The following ARID1B variants were observed in gnomAD, a reference collection of about 807,000 sequenced individuals.
ARID1B encodes AT-rich interaction domain 1B, also known as AT-rich interactive domain-containing protein 1B.
Under a neutral mutation model 212.3 loss-of-function variants are expected in ARID1B, and 30 were observed. The observed-to-expected ratio is 0.14, with a 90% CI of 0.11 to 0.19. ARID1B has a LOEUF of 0.19. ARID1B is among the 10% of genes least tolerant of loss of function. The pLI, the probability that ARID1B is intolerant of heterozygous loss-of-function variation, is 1.00. For synonymous variants in ARID1B, 1,402 were observed against 1,301.7 expected (o/e 1.08, Z -1.66); for missense variants, 2,891 against 3,204.0 (o/e 0.90, Z 2.36).
chr6:157,123,093 GC>G (rs1292324410), intron 6 of ARID1B, among the ~76,000 whole-genome samples: 1 of 152,202 alleles, frequency 6.6e-6, no homozygotes, highest in Non-Finnish European at 1.5e-5. Context: ...TGCCATGGGT[GC>G]TTGAGATCCC....
At chr6:157,036,318 A>G (rs2128506198) in intron 4 of ARID1B, 1 of 152,636 alleles carries the variant, frequency 6.6e-6, no homozygotes, top group Non-Finnish European at 1.5e-5. Flanking sequence ...TTGCTTAGAC[A>G]CTGCCTGCCT....
intron 13 of ARID1B, among the ~76,000 whole-genome samples, chr6:157,188,145 A>G (rs977136459): frequency 2.0e-5 from 3 of 152,104 alleles, no homozygotes; most frequent in Non-Finnish European, 4.4e-5. Flanking sequence ...CCCCCATGAC[A>G]TGCGTTTACC....
At chr6:156,822,846 G>A (rs1044241286) in intron 1 of ARID1B, among the ~76,000 whole-genome samples, 3 of 152,176 alleles carry the variant, frequency 2.0e-5, no homozygotes, top group African/African-American at 4.8e-5. Context: ...GTGACCAGGC[G>A]GGTGTGCGAG....
rs552985179 is a variant in ARID1B, at chr6:157,130,764, TCC to T, written c.2582-2263_2582-2262del. Among the ~76,000 whole-genome samples the T allele has an allele frequency of 5.3e-5, 8 of 152,310 alleles. No homozygotes were observed. The East Asian group carries it at 1.5e-3, about 29-fold the overall frequency. On this transcript the variant is annotated intron_variant, in intron 6 of 19. Coordinates refer to ENST00000636930, the MANE Select transcript of ARID1B (RefSeq NM_001374828.1). ...ACTTAGATCTGGGATTATCTTACCC[TCC>T]AGCTGCCTCAGTGGATTTTCTTTCG... is the stretch of plus-strand genomic sequence containing the variant.
chr6:157,189,817 C>T (rs1196534102), intron 14 of ARID1B, 37 bp downstream of exon 14: 5 of 1,611,608 alleles, frequency 3.1e-6, no homozygotes, highest in Middle Eastern at 1.7e-4. Context: ...TACAAAGTCA[C>T]ATTTGTTCAT....
At chr6:157,133,598 T>A (rs1224989829) in intron 7 of ARID1B, among the ~76,000 whole-genome samples, 1 of 152,172 alleles carries the variant, frequency 6.6e-6, no homozygotes, top group Non-Finnish European at 1.5e-5. Flanking sequence ...CTCTTAGTGA[T>A]CACCGTCAAA....
intron 9 of ARID1B, chr6:157,172,843 C>T (rs1161588127): frequency 6.6e-6 from 1 of 151,712 alleles, no homozygotes; most frequent in Non-Finnish European, 1.5e-5. Context: ...ACATGTGTCC[C>T]GCCTTGGTTG....
rs76645703 is a variant in ARID1B, at chr6:157,009,699, T to G, written c.2247+74123T>G. On this transcript the variant is annotated intron_variant, in intron 4 of 19. Coordinates refer to ENST00000636930, the MANE Select transcript of ARID1B (RefSeq NM_001374828.1). ...TGATAGTGGTAATATTCATATTTGT[T>G]AATATGCTTTTCTAAGTGTTTTATA... is the stretch of plus-strand genomic sequence containing the variant. Among the ~76,000 whole-genome samples, 397 of 152,378 alleles carry G rather than the reference T, an allele frequency of 2.6e-3. 3 individuals carry two copies. The highest frequency in any genetic ancestry group is 6.9e-3 in the African/African-American group (289 of 41,584).
At chr6:156,998,212 C>CTTTT (rs569837054) in intron 4 of ARID1B, among the ~76,000 whole-genome samples, 2 of 137,664 alleles carry the variant, frequency 1.5e-5, no homozygotes. Flanking sequence ...ATCTCTCTCT[C>CTTTT]TTTTTTTTTT....
At chr6:156,779,575 GGCGGCGGGGGC>G (rs1779051404) in intron 1 of ARID1B, 104 bp downstream of exon 1, 3 of 1,121,256 alleles carry the variant, frequency 2.7e-6, no homozygotes, top group Non-Finnish European at 3.3e-6. Flanking sequence ...TTCCCGCGGG[GGCGGCGGGGGC>G]GCGGCGCCCA....
At position 156,779,012 on chromosome 6, in the gene ARID1B, G is replaced by A. The variant is rs1778956646; in HGVS notation, c.1332G>A (p.Ser444=). Residue 444 remains serine, a synonymous_variant, in exon 1 of 20, where the codon TCG becomes TCA. Transcript: ENST00000636930. ...GGGGGGGYGG[S]SAGYGVLSSP... The stretch of plus-strand genomic sequence containing the variant: ...GCGGCGGCGGCGGCTATGGGGGCTC[G>A]TCCGCGGGGTACGGGGTGCTGAGCT... 1 of 1,262,756 alleles carries A rather than the reference G, an allele frequency of 7.9e-7. No individual in the cohort carries two copies. Among genetic ancestry groups the A allele is most frequent in the Non-Finnish European group, 9.9e-7 (1 of 1,015,078 alleles). 78.2% of individuals were successfully genotyped at this position (1,262,756 alleles called of 1,614,324 possible).
chr6:156,805,144 A>G (rs764903153), intron 1 of ARID1B, among the ~76,000 whole-genome samples: 11 of 152,188 alleles, frequency 7.2e-5, no homozygotes, highest in Non-Finnish European at 1.3e-4. Flanking sequence ...GGCCTCTCTC[A>G]GCTTACTCAG....
At chr6:157,120,765 C>T (rs557091726) in intron 6 of ARID1B, among the ~76,000 whole-genome samples, 1 of 152,276 alleles carries the variant, frequency 6.6e-6, no homozygotes, top group African/African-American at 2.4e-5. Flanking sequence ...ATCAATTGTC[C>T]ATGTGCCAAA....
chr6:156,985,620 T>TA (rs1260804425), intron 4 of ARID1B: 1 of 152,264 alleles, frequency 6.6e-6, no homozygotes, highest in African/African-American at 2.4e-5. Context: ...TCCCATACAT[T>TA]AAAAGTTTTG....
chr6:156,995,904 T>C (rs1778558151), intron 4 of ARID1B, among the ~76,000 whole-genome samples: 1 of 152,202 alleles, frequency 6.6e-6, no homozygotes, highest in Non-Finnish European at 1.5e-5. Context: ...GACATGTTAC[T>C]CAATCTGGCA....
intron 1 of ARID1B, among the ~76,000 whole-genome samples, chr6:156,805,305 G>A (rs1456221452): frequency 6.6e-6 from 1 of 152,194 alleles, no homozygotes; most frequent in Non-Finnish European, 1.5e-5. Context: ...GAATGAGACA[G>A]GATAGGCCCG....
intron 4 of ARID1B, chr6:157,023,695 C>T (rs1780470474): frequency 6.6e-6 from 1 of 152,188 alleles, no homozygotes; most frequent in Non-Finnish European, 1.5e-5. Flanking sequence ...ATCAACAAGG[C>T]ATATCTATTT....
chr6:157,097,922 C>A (rs77193613), intron 5 of ARID1B, among the ~76,000 whole-genome samples: 20 of 152,122 alleles, frequency 1.3e-4, no homozygotes, highest in Non-Finnish European at 1.2e-4. Flanking sequence ...GTGGGGGAAA[C>A]GACTATACAA....
At chr6:156,884,885 G>A (rs765589680) in intron 2 of ARID1B, among the ~76,000 whole-genome samples, 1 of 152,274 alleles carries the variant, frequency 6.6e-6, no homozygotes, top group South Asian at 2.1e-4. Flanking sequence ...CTTGTCTTGA[G>A]CTCGGGGAAG....
Sources: gnomAD v4.1 joint callset for allele counts (sites outside exome capture counted in the v4.1 genomes callset) on GRCh38, gnomAD v4.1.1 for gene constraint, MANE v1.5 for transcripts, NCBI Gene and HGNC (gene_info 2026-07-23, HGNC 2026-07-21) for gene names.